The following DPP6 variants were observed in gnomAD, a reference collection of about 807,000 sequenced individuals.
DPP6 encodes the protein A-type potassium channel modulatory protein DPP6.
DPP6 carries 69 observed loss-of-function variants against 122.6 expected under a neutral mutation model. The ratio of observed to expected loss-of-function variants is 0.56; its 90% CI spans 0.46 to 0.69. The LOEUF is 0.69. Among genes scored for constraint, DPP6 ranks in the 30% least tolerant of loss-of-function variants. The pLI is 0.00. For synonymous variants in DPP6, 418 were observed against 433.1 expected, an observed-to-expected ratio of 0.97 and a Z score of 0.43; for missense variants, 928 against 1,116.9, an observed-to-expected ratio of 0.83 and a Z score of 2.41.
At chr7:154,597,588 G>A (rs534734561) in intron 5 of DPP6, among the ~76,000 whole-genome samples, 4 of 148,168 alleles carry the variant, frequency 2.7e-5, no homozygotes, top group Admixed American at 1.4e-4. Flanking sequence ...ACTCCAGCCC[G>A]GGAGACAGAG....
chr7:154,771,404 C>G (rs1031416468), intron 9 of DPP6, among the ~76,000 whole-genome samples: 1 of 152,368 alleles, frequency 6.6e-6, no homozygotes, highest in African/African-American at 2.4e-5. Context: ...CTCGCCATGT[C>G]TTCACATGAA....
chr7:154,576,188 C>T (rs917692923), intron 5 of DPP6, among the ~76,000 whole-genome samples: 3 of 152,078 alleles, frequency 2.0e-5, no homozygotes, highest in African/African-American at 4.8e-5. Context: ...GCCCCCATCC[C>T]GCTGGTCTGC....
chr7:153,785,836 G>A, the DPP6 span, among the ~76,000 whole-genome samples: 1 of 149,032 alleles, frequency 6.7e-6, no homozygotes, highest in Non-Finnish European at 1.5e-5. Flanking sequence ...TCCTTTTTTC[G>A]TTTTTAGAGA....
chr7:154,430,648 C>T (rs1818277961), intron 1 of DPP6, among the ~76,000 whole-genome samples: 1 of 152,156 alleles, frequency 6.6e-6, no homozygotes, highest in African/African-American at 2.4e-5. Context: ...CCCAGCCGTG[C>T]AACACAGGTG....
intron 8 of DPP6, among the ~76,000 whole-genome samples, chr7:154,749,719 A>T (rs1843265239): frequency 2.6e-5 from 1 of 38,412 alleles, no homozygotes; most frequent in African/African-American, 9.4e-5. Flanking sequence ...GGCTTTACTG[A>T]GCGAGGGTGA....
rs1177369270 is a variant in DPP6, at chr7:154,567,811, C to A, written c.627+895C>A. Among the ~76,000 whole-genome samples the A allele has an allele frequency of 2.6e-5, 4 of 152,262 alleles. No individual in the cohort carries two copies. The South Asian group carries it at 8.3e-4, about 32-fold the overall frequency. ...TGAGAGAATCTTTTCTGGCATGAGA[C>A]AGTCAAGCTTTTTGGTTTATATCCA... On this transcript the variant is annotated intron_variant, in intron 5 of 25. Transcript: ENST00000377770.
At chr7:153,859,030 G>T in the DPP6 span, among the ~76,000 whole-genome samples, 1 of 152,132 alleles carries the variant, frequency 6.6e-6, no homozygotes, top group Admixed American at 6.6e-5. Flanking sequence ...CTATTAGGCT[G>T]GGTCTTTACA....
chr7:154,714,850 C>T (rs1039655330), intron 7 of DPP6, among the ~76,000 whole-genome samples: 6 of 151,974 alleles, frequency 3.9e-5, no homozygotes, highest in African/African-American at 1.4e-4. Context: ...TGTAAATACC[C>T]AGAGGGGGCT....
At chr7:154,674,567 C>T (rs1311642288) in intron 7 of DPP6, among the ~76,000 whole-genome samples, 3 of 152,210 alleles carry the variant, frequency 2.0e-5, no homozygotes, top group Non-Finnish European at 2.9e-5. Flanking sequence ...AAGCCGGAAT[C>T]TTTGCTGGTA....
At chr7:154,658,957 A>G (rs1022527155) in intron 6 of DPP6, among the ~76,000 whole-genome samples, 4 of 152,194 alleles carry the variant, frequency 2.6e-5, no homozygotes, top group Non-Finnish European at 4.4e-5. Flanking sequence ...GTCTGGGCAG[A>G]GAAGGAGTTG....
At chr7:154,245,834 G>A (rs938951201) in intron 1 of DPP6, among the ~76,000 whole-genome samples, 7 of 151,778 alleles carry the variant, frequency 4.6e-5, no homozygotes, top group African/African-American at 7.2e-5. Flanking sequence ...CAATAAATTC[G>A]CAGATATTTG....
At chr7:154,626,692 CTAT>C (rs1489856649) in intron 5 of DPP6, among the ~76,000 whole-genome samples, 6 of 152,322 alleles carry the variant, frequency 3.9e-5, no homozygotes, top group Middle Eastern at 6.8e-3. Context: ...CCAGTGACTA[CTAT>C]AAGTTAGTTT....
chr7:154,829,895 C>T (rs1411393298), intron 16 of DPP6, among the ~76,000 whole-genome samples: 1 of 152,142 alleles, frequency 6.6e-6, no homozygotes, highest in Admixed American at 6.5e-5. Context: ...TCCAGAAGTG[C>T]CTCCTGTGAT....
chr7:154,542,534 C>G (rs1828814774), intron 4 of DPP6, among the ~76,000 whole-genome samples: 1 of 152,164 alleles, frequency 6.6e-6, no homozygotes, highest in African/African-American at 2.4e-5. Flanking sequence ...TGTGACAGAT[C>G]ATATATTTTA....
intron 2 of DPP6, among the ~76,000 whole-genome samples, chr7:154,451,222 T>G (rs1820338780): frequency 6.6e-6 from 1 of 151,810 alleles, no homozygotes; most frequent in African/African-American, 2.4e-5. Flanking sequence ...TTAGCTGGGC[T>G]TGGTGGCAGG....
At chr7:154,501,141 C>T (rs1825206115) in intron 3 of DPP6, among the ~76,000 whole-genome samples, 1 of 152,110 alleles carries the variant, frequency 6.6e-6, no homozygotes, top group Admixed American at 6.5e-5. Flanking sequence ...GAAGAGATTT[C>T]TAAGTAGCAA....
At chr7:153,992,765 G>A (rs990853726) in intron 1 of DPP6, among the ~76,000 whole-genome samples, 3 of 152,068 alleles carry the variant, frequency 2.0e-5, no homozygotes, top group African/African-American at 4.8e-5. Flanking sequence ...GACTAAATGG[G>A]GTACTTGCTC....
At chr7:154,448,589 A>T (rs1388375864) in intron 2 of DPP6, among the ~76,000 whole-genome samples, 6 of 152,214 alleles carry the variant, frequency 3.9e-5, no homozygotes, top group African/African-American at 1.4e-4. Flanking sequence ...TGAAATTCAT[A>T]TGAAAATGCA....
intron 1 of DPP6, among the ~76,000 whole-genome samples, chr7:153,889,068 C>G (rs948727453): frequency 1.3e-5 from 2 of 152,210 alleles, no homozygotes; most frequent in Non-Finnish European, 2.9e-5. Flanking sequence ...GAACTTGACT[C>G]TGGACGGAGG....
Sources: allele counts gnomAD v4.1 joint callset (sites outside exome capture counted in the v4.1 genomes callset), GRCh38; gene constraint gnomAD v4.1.1; transcripts MANE v1.5; gene names NCBI Gene and HGNC (gene_info 2026-07-23, HGNC 2026-07-21).